UMODL1: variants seen among roughly 807,000 people sequenced by gnomAD.
UMODL1 encodes the protein uromodulin like 1.
In UMODL1, 128 loss-of-function variants were observed where a neutral mutation model predicts 136.3. That is an observed-to-expected ratio of 0.94 (90% CI 0.81 to 1.09). The LOEUF (loss-of-function observed/expected upper bound fraction) is 1.09. Among genes scored for constraint, UMODL1 ranks in the 50% least tolerant of loss-of-function variants. The pLI is 0.00. For missense variants in UMODL1, 1,766 were observed against 1,725.6 expected (o/e 1.02, Z -0.41); for synonymous variants, 721 against 720.0 (o/e 1.00, Z -0.02).
chr21:42,092,372 C>T (rs556267233), intron 6 of UMODL1, among the ~76,000 whole-genome samples: 15 of 148,998 alleles, frequency 1.0e-4, no homozygotes, highest in Admixed American at 1.4e-4. Flanking sequence ...CCTTATTGAA[C>T]GCAGGGTTGA....
At chr21:42,105,575 G>A (rs1022595138) in intron 9 of UMODL1, among the ~76,000 whole-genome samples, 8 of 152,200 alleles carry the variant, frequency 5.3e-5, no homozygotes, top group African/African-American at 9.7e-5. Context: ...TCCTCCTGCC[G>A]TTGGATTTGG....
At position 42,115,858 on chromosome 21, in the gene UMODL1, T is replaced by C; in HGVS notation, c.2363-15T>C. 3.1e-6 allele frequency: 5 copies of C among 1,600,380 alleles called. No homozygotes were observed. The highest frequency in any genetic ancestry group is 4.3e-6 in the Non-Finnish European group (5 of 1,167,596). ...ACAGCACCAATTCCAAATGTGCTTA[T>C]CCTCCATCCTGCAGCAGCCCGGAAG... On this transcript the variant is annotated splice_polypyrimidine_tract_variant and intron_variant, in intron 13 of 22. Transcript: ENST00000408910.
intron 21 of UMODL1, among the ~76,000 whole-genome samples, chr21:42,134,780 A>ATT (rs34392732): frequency 2.0e-4 from 29 of 143,716 alleles, no homozygotes; most frequent in African/African-American, 2.9e-4. Flanking sequence ...AAGTCTGGCT[A>ATT]TTTTTTTTTT....
In UMODL1 at chr21:42,142,482, C is replaced by A. The variant is rs2067295941; in HGVS notation, c.*408C>A. The A allele has an allele frequency of 6.6e-6, 1 of 152,258 alleles. No individual in the cohort carries two copies. The highest frequency in any genetic ancestry group is 1.5e-5 in the Non-Finnish European group (1 of 68,050). 9.4% of individuals were successfully genotyped at this position (152,258 alleles called of 1,614,324 possible). ...TCAGAACCCTCCTGGGCTTGCCCTC[C>A]CTTGGCGTCCGTCACCCTTTGGCAA... On this transcript the variant is annotated 3_prime_UTR_variant, in exon 23 of 23. Transcript: ENST00000408910.
chr21:42,134,209 G>C (rs1262318406), intron 21 of UMODL1, among the ~76,000 whole-genome samples: 1 of 152,226 alleles, frequency 6.6e-6, no homozygotes, highest in Non-Finnish European at 1.5e-5. Context: ...TTTGCAGGGG[G>C]TGAGGGGTTC....
chr21:42,082,073 C>T lies in UMODL1; in HGVS notation c.320-2011C>T, dbSNP rs373891672. Among the ~76,000 whole-genome samples the T allele has an allele frequency of 4.6e-5, 7 of 152,290 alleles. 1 individual carries two copies. Among genetic ancestry groups the T allele is most frequent in the South Asian group, 4.1e-4 (2 of 4,822 alleles). ...CAGGGACAACGCAGGAAAGAGAGTG[C>T]GGCTGAGAGGAATGCCCACAGCAAG... On this transcript the variant is annotated intron_variant, in intron 2 of 22. Coordinates refer to ENST00000408910, the MANE Select transcript of UMODL1 (RefSeq NM_001004416.3).
intron 6 of UMODL1, among the ~76,000 whole-genome samples, chr21:42,098,122 GT>G (rs2146466583): frequency 6.6e-6 from 1 of 152,326 alleles, no homozygotes; most frequent in East Asian, 1.9e-4. Flanking sequence ...ACCTTACACT[GT>G]CGTGGCCATT....
At chr21:42,092,385 G>GTT (rs1225889236) in intron 6 of UMODL1, among the ~76,000 whole-genome samples, 5 of 119,088 alleles carry the variant, frequency 4.2e-5, no homozygotes, top group Non-Finnish European at 9.7e-5. Flanking sequence ...AGGGTTGAGG[G>GTT]TTTTTTTGTT....
chr21:42,121,849 G>A (rs1214254762), intron 16 of UMODL1, among the ~76,000 whole-genome samples: 3 of 152,182 alleles, frequency 2.0e-5, no homozygotes, highest in East Asian at 3.8e-4. Flanking sequence ...TCCTGGAAGT[G>A]GTGTCTTGAA....
intron 6 of UMODL1, among the ~76,000 whole-genome samples, chr21:42,094,671 G>A (rs534677959): frequency 6.6e-6 from 1 of 152,220 alleles, no homozygotes; most frequent in Non-Finnish European, 1.5e-5. Flanking sequence ...GAAGAGAGGA[G>A]TCGGGGGTAG....
At chr21:42,106,067 G>T (rs945457219) in intron 9 of UMODL1, among the ~76,000 whole-genome samples, 1 of 152,166 alleles carries the variant, frequency 6.6e-6, no homozygotes, top group Non-Finnish European at 1.5e-5. Context: ...CTCCTGAGCT[G>T]GGGGGTCAGC....
At chr21:42,121,361 G>C in intron 16 of UMODL1, 137 bp downstream of exon 16, 2 of 977,438 alleles carry the variant, frequency 2.0e-6, no homozygotes, top group Non-Finnish European at 1.5e-6. Flanking sequence ...TGTGTGATGT[G>C]GGTGCACGTG....
Position 42,109,618 on chromosome 21 carries a change from A to C in UMODL1, c.1576A>C (p.Ile526Leu). 1.2e-6 allele frequency: 2 copies of C among 1,611,058 alleles called. No individual in the cohort carries two copies. Among genetic ancestry groups the C allele is most frequent in the South Asian group, 2.2e-5 (2 of 91,076 alleles). ...CGACTGCTCACCGGCTGCCTGGTGC[A>C]TCAACCTGGAGGGCTCCTACACCTG... ...EHDCSPAAWC[I>L]NLEGSYTCQC... Residue 526 changes from isoleucine to leucine, a missense_variant, in exon 10 of 23, where the codon ATC becomes CTC. Coordinates refer to ENST00000408910, the MANE Select transcript of UMODL1 (RefSeq NM_001004416.3).
At chr21:42,089,291 G>A (rs1195719159) in intron 5 of UMODL1, among the ~76,000 whole-genome samples, 1 of 152,228 alleles carries the variant, frequency 6.6e-6, no homozygotes, top group African/African-American at 2.4e-5. Context: ...GAGGAGGCAC[G>A]TGACAATGCC....
In UMODL1 at chr21:42,127,113, G is replaced by T. The variant is rs1485277282; in HGVS notation, c.3401G>T (p.Ser1134Ile). 4 of 1,614,064 alleles carry T rather than the reference G, an allele frequency of 2.5e-6. No homozygotes were observed. The highest frequency in any genetic ancestry group is 3.4e-6 in the Non-Finnish European group (4 of 1,180,026). ...CCTCAGAATTATAGCGTGTCTGCCA[G>T]TGACGATGTCAGGATCGAAGTGGGG... ...PIPQNYSVSA[S>I]DDVRIEVGLY... The change falls in exon 19 of 23, where the codon AGT becomes ATT. Residue 1134 changes from serine to isoleucine, a missense_variant. By Grantham distance (142) the Ser-to-Ile change is moderately radical (BLOSUM62 -2). Coordinates refer to ENST00000408910, the MANE Select transcript of UMODL1 (RefSeq NM_001004416.3).
At chr21:42,103,763 G>A (rs2066670256) in intron 8 of UMODL1, 105 bp from the exon 9 acceptor site, 1 of 1,346,402 alleles carries the variant, frequency 7.4e-7, no homozygotes, top group Non-Finnish European at 1.1e-6. Flanking sequence ...CTTGATTGTA[G>A]AGGAGAGAAA....
chr21:42,113,791 G>A lies in UMODL1; in HGVS notation c.2323G>A (p.Gly775Arg), dbSNP rs1255812066. The change falls in exon 13 of 23, where the codon GGG (glycine) becomes AGG (arginine). Residue 775 changes from glycine to arginine, a missense_variant. Coordinates refer to ENST00000408910, the MANE Select transcript of UMODL1 (RefSeq NM_001004416.3). The stretch of plus-strand genomic sequence containing the variant: ...GGTTGAGATCATGGCCAAAGCATGT[G>A]GGAAAGAAGGTGCCAGAGCTCATCT... ...HLVEIMAKAC[G>R]KEGARAHLKV... 2 of 1,614,036 alleles carry A rather than the reference G, an allele frequency of 1.2e-6. No homozygotes were observed. The highest frequency in any genetic ancestry group is 1.1e-5 in the South Asian group (1 of 91,082).
rs192491006 is a variant in UMODL1 at position 42,138,658 on chromosome 21, C to T, written c.*21+1017C>T. Among the ~76,000 whole-genome samples, 221 of 152,108 alleles carry T rather than the reference C, an allele frequency of 1.5e-3. 1 individual carries two copies. Among genetic ancestry groups the T allele is most frequent in the African/African-American group, 5.3e-3 (219 of 41,486 alleles). ...TGGTGCGATCTTGGCTCACCACAAC[C>T]TCCACCTCCCAGGTTAAAGCGATTC... On this transcript the variant is annotated intron_variant, in intron 22 of 22. Coordinates refer to ENST00000408910, the MANE Select transcript of UMODL1 (RefSeq NM_001004416.3).
chr21:42,142,122 A>G lies in UMODL1; in HGVS notation c.*48A>G, dbSNP rs1185958425. On this transcript the variant is annotated 3_prime_UTR_variant, in exon 23 of 23. Coordinates refer to ENST00000408910, the MANE Select transcript of UMODL1 (RefSeq NM_001004416.3). Reference sequence around the variant, plus strand: ...TCGCCGTGAGTCAAGCTGCCTCCAGAACCTCAGAGCTTCCCTGGTGGGCTC... The same window carrying G: ...TCGCCGTGAGTCAAGCTGCCTCCAGGACCTCAGAGCTTCCCTGGTGGGCTC... The G allele has an allele frequency of 6.6e-6, 1 of 152,236 alleles. No individual in the cohort carries two copies. Among genetic ancestry groups the G allele is most frequent in the Non-Finnish European group, 1.5e-5 (1 of 68,064 alleles). The allele number at this position is 152,236 out of a possible 1,614,324, so 9.4% of individuals were successfully genotyped here.
Sources: gnomAD v4.1 joint callset for allele counts (sites outside exome capture counted in the v4.1 genomes callset) on GRCh38, gnomAD v4.1.1 for gene constraint, MANE v1.5 for transcripts, NCBI Gene and HGNC (gene_info 2026-07-23, HGNC 2026-07-21) for gene names.